Variants in BAHCC1 observed in about 807,000 individuals in gnomAD.
The protein encoded by BAHCC1 is BAH and coiled-coil domain-containing protein 1.
A neutral mutation model predicts 88.2 loss-of-function variants in BAHCC1; 43 were observed. The observed-to-expected ratio is 0.49, with a 90% confidence interval of 0.38 to 0.63. BAHCC1 has a LOEUF of 0.63. Ranked by LOEUF, BAHCC1 falls within the 20% of genes least tolerant of loss-of-function variation. The pLI, the probability that BAHCC1 is intolerant of heterozygous loss-of-function variation, is 0.00. For synonymous variants in BAHCC1, 1,510 were observed against 745.5 expected, an observed-to-expected ratio of 2.03 and a Z score of -16.71; for missense variants, 3,023 against 1,654.8, an observed-to-expected ratio of 1.83 and a Z score of -14.34.
rs901173408 is a variant in BAHCC1 at position 81,406,446 on chromosome 17, C to A, written c.178+6529C>A. Among the ~76,000 whole-genome samples, 7 of 152,306 alleles carry A rather than the reference C, an allele frequency of 4.6e-5. No individual in the cohort carries two copies. In the East Asian group the frequency reaches 1.4e-3, roughly 29 times the overall value. ...CATTAACCTCTGGGACCTCATTTCC[C>A]CTCACCGAAGACACAGTGTAACAAG... On this transcript the variant is annotated intron_variant, in intron 2 of 27. Transcript: ENST00000675386.
chr17:81,462,012 G>A lies in BAHCC1; in HGVS notation c.7349G>A (p.Arg2450Gln), dbSNP rs782704269. ...RPKISAFLPA[R>Q]QLWKWSGNPT... The stretch of plus-strand genomic sequence containing the variant: ...AAGATCTCAGCCTTCCTGCCCGCCC[G>A]GCAGCTCTGGAAGTGGTCGGGGAAT... The change falls in exon 26 of 28, where the codon CGG (arginine) becomes CAG (glutamine). Residue 2450 changes from arginine (R) to glutamine (Q), a missense_variant. By Grantham distance (43) the Arg-to-Gln change is conservative. Transcript: ENST00000675386. 14 of 777,974 alleles carry A rather than the reference G, an allele frequency of 1.8e-5. No homozygotes were observed. Among genetic ancestry groups the A allele is most frequent in the South Asian group, 6.7e-5 (5 of 74,272 alleles). The allele number at this position is 777,974 out of a possible 1,614,324, so 48.2% of individuals were successfully genotyped here.
chr17:81,427,243 G>T (rs2064211081), intron 3 of BAHCC1, among the ~76,000 whole-genome samples: 3 of 152,190 alleles, frequency 2.0e-5, no homozygotes, highest in African/African-American at 4.8e-5. Flanking sequence ...AAACAGGGGG[G>T]CCAGGAGGGG....
intron 2 of BAHCC1, among the ~76,000 whole-genome samples, chr17:81,420,054 G>C (rs1207093767): frequency 2.0e-5 from 3 of 152,170 alleles, no homozygotes; most frequent in African/African-American, 7.2e-5. Context: ...CCTCTGCTGT[G>C]TGGGTCCTCG....
At position 81,461,500 on chromosome 17, in the gene BAHCC1, G is replaced by C. The variant is rs782350336; in HGVS notation, c.6837G>C (p.Glu2279Asp). The C allele has an allele frequency of 1.3e-5, 10 of 743,166 alleles. No individual in the cohort carries two copies. Among genetic ancestry groups the C allele is most frequent in the Non-Finnish European group, 2.0e-5 (8 of 400,168 alleles). The allele number at this position is 743,166 out of a possible 1,614,324, so 46.0% of individuals were successfully genotyped here. A position where few individuals can be genotyped will look rare whatever the true frequency, so the allele number is the denominator to read the frequency against. ...TGCGCAAGTACGCGGGCCAGGCAGA[G>C]TTCCCGCTGCCCTACGACAGCGACT... ...LALRKYAGQA[E>D]FPLPYDSDCH... Residue 2279 changes from glutamate to aspartate, a missense_variant, in exon 26 of 28, where the codon GAG becomes GAC. Physicochemically the swap from Glu to Asp is conservative, Grantham distance 45 (BLOSUM62 2). Transcript: ENST00000675386.
chr17:81,453,002 A>G lies in BAHCC1; in HGVS notation c.4445+151A>G, dbSNP rs567469489. ...GGCCTGGCCCTGCCCTTCCTAGACC[A>G]TCGAGAGTGACCAGCAGACAGAGCC... On this transcript the variant is annotated intron_variant, in intron 14 of 27. Transcript: ENST00000675386. Among the ~76,000 whole-genome samples the G allele has an allele frequency of 3.9e-5, 6 of 152,142 alleles. No individual in the cohort carries two copies. The East Asian group carries it at 1.2e-3, about 30-fold the overall frequency.
intron 2 of BAHCC1, among the ~76,000 whole-genome samples, chr17:81,417,555 A>ACCGCCCCCCC (rs1555648925): frequency 2.4e-4 from 32 of 131,394 alleles, no homozygotes; most frequent in South Asian, 9.6e-4. Context: ...AGCGTCGGCC[A>ACCGCCCCCCC]CCCCCCCCCC....
chr17:81,443,863 G>A lies in BAHCC1; in HGVS notation c.2270G>A (p.Arg757Lys), dbSNP rs1555653507. 2 of 714,356 alleles carry A rather than the reference G, an allele frequency of 2.8e-6. No individual in the cohort carries two copies. Among genetic ancestry groups the A allele is most frequent in the South Asian group, 3.0e-5 (2 of 67,598 alleles). The allele number at this position is 714,356 out of a possible 1,614,324, so 44.3% of individuals were successfully genotyped here. The change falls in exon 6 of 28, where the codon AGG (arginine) becomes AAG (lysine). Residue 757 changes from arginine (R) to lysine (K), a missense_variant. Coordinates refer to ENST00000675386, the MANE Select transcript of BAHCC1 (RefSeq NM_001377448.1). The part of the protein sequence containing the change: ...HALDLEAEEE[R>K]TRLCDDRLGL... ...CTGGACCTGGAGGCTGAGGAGGAGA[G>A]GACGAGGCTATGTGATGACCGCCTG...
chr17:81,443,594 G>T, intron 5 of BAHCC1, 30 bp downstream of exon 5: 1 of 622,192 alleles, frequency 1.6e-6, no homozygotes, highest in Non-Finnish European at 2.9e-6. Flanking sequence ...AGGGAGGCAG[G>T]CCGGGACAGT....
chr17:81,412,689 C>T (rs977250674), intron 2 of BAHCC1, among the ~76,000 whole-genome samples: 6 of 152,260 alleles, frequency 3.9e-5, no homozygotes, highest in Admixed American at 6.5e-5. Context: ...CCGCGCCCCC[C>T]GCCCCACCCT....
intron 16 of BAHCC1, among the ~76,000 whole-genome samples, chr17:81,457,100 G>A (rs2064763557): frequency 1.3e-5 from 2 of 152,170 alleles, no homozygotes; most frequent in African/African-American, 2.4e-5. Flanking sequence ...GGCCATCTGG[G>A]CGGAGGACAG....
At position 81,441,990 on chromosome 17, in the gene BAHCC1, A is replaced by G; in HGVS notation, c.641A>G (p.Asp214Gly). The G allele has an allele frequency of 1.3e-6, 1 of 745,740 alleles. No individual in the cohort carries two copies. Among genetic ancestry groups the G allele is most frequent in the Non-Finnish European group, 2.5e-6 (1 of 396,062 alleles). 46.2% of individuals were successfully genotyped at this position (745,740 alleles called of 1,614,324 possible). A position where few individuals can be genotyped will look rare whatever the true frequency, so the allele number is the denominator to read the frequency against. The part of the protein sequence containing the change: ...EAGSLQKGPK[D>G]FDRFLVGKEL... ...GGCTCCCTGCAGAAGGGCCCCAAGG[A>G]CTTCGACCGCTTCCTCGTGGGCAAA... Residue 214 changes from aspartate to glycine, a missense_variant, in exon 5 of 28, where the codon GAC (aspartate) becomes GGC (glycine). Transcript: ENST00000675386.
At chr17:81,453,446 T>A (rs782408158) in intron 14 of BAHCC1, among the ~76,000 whole-genome samples, 8 of 152,386 alleles carry the variant, frequency 5.2e-5, no homozygotes, top group Non-Finnish European at 1.2e-4. Flanking sequence ...GTAATAATAG[T>A]TAAATCGGCA....
chr17:81,446,526 C>CT (rs869297780), intron 10 of BAHCC1, among the ~76,000 whole-genome samples: 1,301 of 49,184 alleles, frequency 0.026, 379 homozygotes, highest in Non-Finnish European at 0.03. Context: ...CTGCTCACAC[C>CT]TTTTTTTTTT....
intron 2 of BAHCC1, among the ~76,000 whole-genome samples, chr17:81,418,810 C>CGCGCGTGTGTGTGTATGTGTGT (rs71302047): frequency 6.8e-6 from 1 of 146,332 alleles, no homozygotes; most frequent in African/African-American, 2.6e-5. Flanking sequence ...TGTGTGTGTA[C>CGCGCGTGTGTGTGTATGTGTGT]GTGTGTGTGT....
rs534497959 is a variant in BAHCC1, at chr17:81,445,461, C to T, written c.2943C>T (p.Pro981=). 2.6e-6 allele frequency: 2 copies of T among 760,162 alleles called. No homozygotes were observed. The highest frequency in any genetic ancestry group is 2.5e-5 in the East Asian group (1 of 39,872). 47.1% of individuals were successfully genotyped at this position (760,162 alleles called of 1,614,324 possible). Reference sequence around the variant, plus strand: ...TAACCCCCACGGCCCCGGGCGCCCCCTCACCCGCTGCAGGCCCCACCAAGC... The same window carrying T: ...TAACCCCCACGGCCCCGGGCGCCCCTTCACCCGCTGCAGGCCCCACCAAGC... ...VALTPTAPGA[P]SPAAGPTKLP... Residue 981 remains proline, a synonymous_variant, in exon 10 of 28, where the codon CCC becomes CCT. Coordinates refer to ENST00000675386, the MANE Select transcript of BAHCC1 (RefSeq NM_001377448.1).
In BAHCC1 at chr17:81,452,747, T is replaced by C. The variant is rs1555656162; in HGVS notation, c.4341T>C (p.Pro1447=). 8.0e-6 allele frequency: 6 copies of C among 751,824 alleles called. No homozygotes were observed. The highest frequency in any genetic ancestry group is 1.5e-5 in the Non-Finnish European group (6 of 406,790). The allele number at this position is 751,824 out of a possible 1,614,324, so 46.6% of individuals were successfully genotyped here. The change falls in exon 14 of 28, where the codon CCT becomes CCC. Residue 1447 remains proline (P), a synonymous_variant. Coordinates refer to ENST00000675386, the MANE Select transcript of BAHCC1 (RefSeq NM_001377448.1). ...GGAGAGACGAGAGTTCACGGAGCCCTGCACGGCGGGGGCCTGGCCGGCCGA... is the reference window on the plus strand; with the variant it reads ...GGAGAGACGAGAGTTCACGGAGCCCCGCACGGCGGGGGCCTGGCCGGCCGA... ...DHERDESSRS[P]ARRGPGRPRK... is the part of the protein sequence containing the mutation.
chr17:81,450,139 C>T lies in BAHCC1; in HGVS notation c.3977-1529C>T, dbSNP rs1034769772. ...GGGGTGCTCGTTGCTGTGAGGTTAT[C>T]GTTGCTCCTGGGCTTTCCCAGGGGA... On this transcript the variant is annotated intron_variant, in intron 11 of 27. Coordinates refer to ENST00000675386, the MANE Select transcript of BAHCC1 (RefSeq NM_001377448.1). Among the ~76,000 whole-genome samples, 14 of 152,276 alleles carry T rather than the reference C, an allele frequency of 9.2e-5. No individual in the cohort carries two copies. In the South Asian group the frequency reaches 2.5e-3, roughly 27 times the overall value.
Position 81,426,881 on chromosome 17 carries a change from C to T in BAHCC1, c.260C>T (p.Ser87Phe). Residue 87 changes from serine to phenylalanine, a missense_variant, in exon 3 of 28, where the codon TCC becomes TTC. Transcript: ENST00000675386. ...ACCAGCAGCCTGGGCTCGGCAGCCT[C>T]CACGCACCCCAGCGGCCCCAGCTCC... ...FLTSSLGSAA[S>F]THPSGPSSSP... The T allele has an allele frequency of 2.5e-6, 1 of 399,256 alleles. No individual in the cohort carries two copies. The highest frequency in any genetic ancestry group is 4.4e-6 in the Non-Finnish European group (1 of 226,628). 24.7% of individuals were successfully genotyped at this position (399,256 alleles called of 1,614,324 possible). A position where few individuals can be genotyped will look rare whatever the true frequency, so the allele number is the denominator to read the frequency against.
intron 2 of BAHCC1, among the ~76,000 whole-genome samples, chr17:81,416,803 A>C (rs1160632923): frequency 6.6e-6 from 1 of 152,218 alleles, no homozygotes; most frequent in Non-Finnish European, 1.5e-5. Context: ...GGCAGGAGTT[A>C]GGAGCACGCT....
Sources: gnomAD v4.1 joint callset for allele counts (sites outside exome capture counted in the v4.1 genomes callset) on GRCh38, gnomAD v4.1.1 for gene constraint, MANE v1.5 for transcripts, NCBI Gene and HGNC (gene_info 2026-07-23, HGNC 2026-07-21) for gene names.